The following GALNT14 variants were observed in gnomAD, a reference collection of about 807,000 sequenced individuals.
GALNT14 encodes polypeptide N-acetylgalactosaminyltransferase 14, also known as UDP-GalNAc:polypeptide N-acetylgalactosaminyltransferase 14.
A neutral mutation model predicts 77.5 loss-of-function variants in GALNT14; 60 were observed. The ratio of observed to expected loss-of-function variants is 0.77; its 90% confidence interval spans 0.63 to 0.96. GALNT14 has a LOEUF of 0.96. Ranked by LOEUF, GALNT14 falls within the 40% of genes least tolerant of loss-of-function variation. The probability of loss-of-function intolerance (pLI) is 0.00; values close to 1 mark genes in which losing one functional copy is unlikely to be tolerated. For synonymous variants in GALNT14, 280 were observed against 281.7 expected, an observed-to-expected ratio of 0.99 and a Z score of 0.06; for missense variants, 710 against 731.0, an observed-to-expected ratio of 0.97 and a Z score of 0.33.
intron 3 of GALNT14, among the ~76,000 whole-genome samples, chr2:30,961,148 G>T (rs567242183): frequency 1.4e-4 from 22 of 152,346 alleles, no homozygotes; most frequent in African/African-American, 5.3e-4. Context: ...ATGTTGGTTC[G>T]CTCCCAGCCT....
At chr2:31,000,995 T>A (rs932748170) in intron 1 of GALNT14, among the ~76,000 whole-genome samples, 3 of 152,172 alleles carry the variant, frequency 2.0e-5, no homozygotes, top group African/African-American at 7.2e-5. Flanking sequence ...GGAGGATAAA[T>A]GATTTGCCCA....
chr2:31,037,992 G>T (rs562916781), intron 1 of GALNT14, among the ~76,000 whole-genome samples: 1 of 144,714 alleles, frequency 6.9e-6, no homozygotes, highest in African/African-American at 2.6e-5. Flanking sequence ...ATTTTTCAAA[G>T]CTTTTAAAAG....
At chr2:30,991,579 G>A (rs926488300) in intron 2 of GALNT14, among the ~76,000 whole-genome samples, 2 of 152,226 alleles carry the variant, frequency 1.3e-5, no homozygotes, top group African/African-American at 4.8e-5. Context: ...CTAAGGCAGA[G>A]CCTCATGGGT....
intron 1 of GALNT14, among the ~76,000 whole-genome samples, chr2:31,125,903 C>T (rs981155722): frequency 5.9e-5 from 9 of 152,182 alleles, no homozygotes; most frequent in Admixed American, 3.9e-4. Context: ...GTATTTTCAG[C>T]ATCTGTTGGT....
chr2:30,920,815 T>G (rs1664987008), intron 13 of GALNT14, among the ~76,000 whole-genome samples: 1 of 152,168 alleles, frequency 6.6e-6, no homozygotes, highest in African/African-American at 2.4e-5. Flanking sequence ...TCACCCAGCA[T>G]CAGGCCACCT....
intron 1 of GALNT14, among the ~76,000 whole-genome samples, chr2:31,128,599 C>T (rs1285730229): frequency 6.6e-6 from 1 of 152,200 alleles, no homozygotes; most frequent in Non-Finnish European, 1.5e-5. Flanking sequence ...TAGGAATGAA[C>T]AGCACAGCCT....
intron 1 of GALNT14, among the ~76,000 whole-genome samples, chr2:31,106,299 T>A (rs75291035): frequency 1.3e-5 from 2 of 152,224 alleles, no homozygotes; most frequent in Non-Finnish European, 2.9e-5. Context: ...CTATTTTTTA[T>A]GTCTGTTATT....
At chr2:30,919,881 A>G (rs910219242) in intron 13 of GALNT14, among the ~76,000 whole-genome samples, 16 of 152,284 alleles carry the variant, frequency 1.1e-4, no homozygotes, top group African/African-American at 3.1e-4. Context: ...TCTTGTCCCA[A>G]TGCCCATAAC....
intron 1 of GALNT14, among the ~76,000 whole-genome samples, chr2:31,027,886 C>CTG (rs10562223): frequency 0.041 from 5,854 of 141,810 alleles, 199 homozygotes; most frequent in African/African-American, 0.088. Flanking sequence ...CAGATGTATT[C>CTG]TGTGTGTGTG....
intron 1 of GALNT14, chr2:31,078,886 G>A: frequency 2.3e-6 from 3 of 1,287,168 alleles, no homozygotes; most frequent in Non-Finnish European, 3.0e-6. Flanking sequence ...GCAAAGCAGG[G>A]TTTGGGGACC....
At chr2:31,124,314 A>T (rs1159190948) in intron 1 of GALNT14, among the ~76,000 whole-genome samples, 1 of 152,190 alleles carries the variant, frequency 6.6e-6, no homozygotes, top group African/African-American at 2.4e-5. Context: ...GAAATGCAAA[A>T]TGGATAGCTG....
At chr2:30,977,277 G>T (rs1187931713) in intron 2 of GALNT14, among the ~76,000 whole-genome samples, 2 of 152,070 alleles carry the variant, frequency 1.3e-5, no homozygotes, top group African/African-American at 4.8e-5. Flanking sequence ...TTTTAGTAGA[G>T]ACAGGGTTTC....
chr2:31,072,378 T>C (rs1014092851), intron 1 of GALNT14, among the ~76,000 whole-genome samples: 4 of 151,830 alleles, frequency 2.6e-5, no homozygotes, highest in African/African-American at 9.7e-5. Flanking sequence ...TTGCTCTCTT[T>C]TTTTTTCTTT....
chr2:31,071,344 G>T (rs1465496500), intron 1 of GALNT14, among the ~76,000 whole-genome samples: 1 of 152,208 alleles, frequency 6.6e-6, no homozygotes, highest in African/African-American at 2.4e-5. Context: ...ACCTTTTCCA[G>T]CTCTTTTTTG....
At chr2:31,044,464 G>A (rs1008697651) in intron 1 of GALNT14, among the ~76,000 whole-genome samples, 3 of 152,192 alleles carry the variant, frequency 2.0e-5, no homozygotes, top group African/African-American at 7.2e-5. Flanking sequence ...TGCCTAGGAT[G>A]TAATTCAGAG....
chr2:31,038,913 T>C (rs1315580837), intron 1 of GALNT14, among the ~76,000 whole-genome samples: 2 of 151,924 alleles, frequency 1.3e-5, no homozygotes, highest in Non-Finnish European at 2.9e-5. Context: ...GCCCCGCTAA[T>C]TTTTTGTATT....
At chr2:31,011,514 G>A (rs1671029503) in intron 1 of GALNT14, among the ~76,000 whole-genome samples, 1 of 152,200 alleles carries the variant, frequency 6.6e-6, no homozygotes, top group East Asian at 1.9e-4. Context: ...ATTTTTCAGT[G>A]TAATAGAAGC....
intron 1 of GALNT14, among the ~76,000 whole-genome samples, chr2:31,035,620 C>CACAT (rs1558512407): frequency 1.1e-4 from 12 of 104,928 alleles, no homozygotes; most frequent in African/African-American, 4.9e-4. Flanking sequence ...CACACACCTA[C>CACAT]ACACACACAC....
At chr2:30,940,898 TCTGGACC>T (rs1558424716) in intron 9 of GALNT14, among the ~76,000 whole-genome samples, 1 of 152,158 alleles carries the variant, frequency 6.6e-6, no homozygotes, top group African/African-American at 2.4e-5. Flanking sequence ...GGGCATCCAG[TCTGGACC>T]CTGTATGGCA....
Sources: gnomAD v4.1 joint callset for allele counts (sites outside exome capture counted in the v4.1 genomes callset) on GRCh38, gnomAD v4.1.1 for gene constraint, MANE v1.5 for transcripts, NCBI Gene and HGNC (gene_info 2026-07-23, HGNC 2026-07-21) for gene names.